TTC27: variants seen among roughly 807,000 people sequenced by gnomAD.
TTC27 encodes the protein tetratricopeptide repeat domain 27, also known as tetratricopeptide repeat protein 27.
TTC27 carries 79 observed loss-of-function variants against 115.9 expected under a neutral mutation model. The observed-to-expected ratio is 0.68, with a 90% CI of 0.57 to 0.82. The LOEUF is 0.82. Ranked by LOEUF, TTC27 falls within the 40% of genes least tolerant of loss-of-function variation. The probability of loss-of-function intolerance (pLI) is 0.00; values close to 1 mark genes in which losing one functional copy is unlikely to be tolerated. For synonymous variants in TTC27, 401 were observed against 356.0 expected (o/e 1.13, Z -1.42); for missense variants, 1,054 against 993.1 (o/e 1.06, Z -0.82).
chr2:32,683,414 T>A (rs1666511414), intron 9 of TTC27, among the ~76,000 whole-genome samples: 1 of 152,248 alleles, frequency 6.6e-6, no homozygotes, highest in Non-Finnish European at 1.5e-5. Flanking sequence ...CTGAATTTTG[T>A]TCCGTTTTGA....
chr2:32,765,829 A>G (rs1188388550), intron 13 of TTC27, among the ~76,000 whole-genome samples: 1 of 152,148 alleles, frequency 6.6e-6, no homozygotes, highest in Non-Finnish European at 1.5e-5. Flanking sequence ...AACCATCTCT[A>G]CTAGATTCAA....
At chr2:32,798,713 A>AAAT (rs200425222) in intron 16 of TTC27, among the ~76,000 whole-genome samples, 66 of 142,328 alleles carry the variant, frequency 4.6e-4, no homozygotes, top group South Asian at 8.7e-4. Flanking sequence ...TCAAAAAAAA[A>AAAT]AATAATAATA....
At chr2:32,738,707 A>G (rs932365253) in intron 12 of TTC27, among the ~76,000 whole-genome samples, 17 of 152,266 alleles carry the variant, frequency 1.1e-4, no homozygotes, top group African/African-American at 3.9e-4. Context: ...AGAAAAAGAC[A>G]GAACCAAATT....
intron 16 of TTC27, among the ~76,000 whole-genome samples, chr2:32,788,578 A>C (rs1443640915): frequency 1.3e-5 from 2 of 152,030 alleles, no homozygotes; most frequent in Admixed American, 1.3e-4. Flanking sequence ...CTGTGCCTCC[A>C]TTTTCTAACT....
At chr2:32,785,826 C>A (rs898084173) in intron 15 of TTC27, among the ~76,000 whole-genome samples, 5 of 152,090 alleles carry the variant, frequency 3.3e-5, no homozygotes, top group Non-Finnish European at 7.4e-5. Context: ...GATCTTCTGA[C>A]CTTGTGATCC....
At chr2:32,639,498 A>G (rs1032329092) in intron 3 of TTC27, among the ~76,000 whole-genome samples, 2 of 152,074 alleles carry the variant, frequency 1.3e-5, no homozygotes, top group Non-Finnish European at 2.9e-5. Flanking sequence ...GATAGAAATT[A>G]TGGAGTAGAG....
At position 32,777,188 on chromosome 2, in the gene TTC27, A is replaced by G. The variant is rs192353507; in HGVS notation, c.1681-694A>G. On this transcript the variant is annotated intron_variant, in intron 13 of 19. Coordinates refer to ENST00000317907, the MANE Select transcript of TTC27 (RefSeq NM_017735.5). The stretch of plus-strand genomic sequence containing the variant: ...GTTTGGCTCTTGGTTAAGCTGCAGA[A>G]GTTCTTGTGGTCTAGTTTGAAGATG... Among the ~76,000 whole-genome samples, 467 of 152,356 alleles carry G rather than the reference A, an allele frequency of 3.1e-3. 6 individuals carry two copies. The highest frequency in any genetic ancestry group is 0.01 in the African/African-American group (435 of 41,590).
In TTC27 at chr2:32,705,384, A is replaced by G. The variant is rs557316849; in HGVS notation, c.1233+2464A>G. Among the ~76,000 whole-genome samples, 8 of 152,228 alleles carry G rather than the reference A, an allele frequency of 5.3e-5. No homozygotes were observed. The South Asian group carries it at 1.7e-3, about 32-fold the overall frequency. ...AGGTATTCCTTTACAGCAACACAAAACAGATTAACACAGGGAGTTACTTTG... is the reference window on the plus strand; with the variant it reads ...AGGTATTCCTTTACAGCAACACAAAGCAGATTAACACAGGGAGTTACTTTG... On this transcript the variant is annotated intron_variant, in intron 10 of 19. Coordinates refer to ENST00000317907, the MANE Select transcript of TTC27 (RefSeq NM_017735.5).
intron 8 of TTC27, among the ~76,000 whole-genome samples, chr2:32,677,588 T>C (rs1217725997): frequency 1.3e-5 from 2 of 152,174 alleles, no homozygotes; most frequent in Non-Finnish European, 2.9e-5. Context: ...TAGCTGGGAC[T>C]ACAGGCGTGC....
intron 12 of TTC27, among the ~76,000 whole-genome samples, chr2:32,756,081 C>T (rs1669223146): frequency 6.6e-6 from 1 of 152,218 alleles, no homozygotes; most frequent in Non-Finnish European, 1.5e-5. Flanking sequence ...TTTCCATTTG[C>T]CCCAGGAGTA....
chr2:32,714,345 A>T (rs988512015), intron 10 of TTC27, among the ~76,000 whole-genome samples: 2 of 151,946 alleles, frequency 1.3e-5, no homozygotes, highest in African/African-American at 4.8e-5. Flanking sequence ...TTTTTAGTAG[A>T]GGCAGGGTTT....
intron 9 of TTC27, among the ~76,000 whole-genome samples, chr2:32,700,973 ATTCT>A (rs1667165410): frequency 6.6e-6 from 1 of 152,050 alleles, no homozygotes; most frequent in African/African-American, 2.4e-5. Context: ...TGGTAAATTC[ATTCT>A]TTTTGTAGAT....
intron 10 of TTC27, among the ~76,000 whole-genome samples, chr2:32,724,729 T>A (rs1467826739): frequency 6.6e-6 from 1 of 152,206 alleles, no homozygotes; most frequent in Non-Finnish European, 1.5e-5. Flanking sequence ...TATTCAGACT[T>A]GGGTATTTGG....
intron 10 of TTC27, among the ~76,000 whole-genome samples, chr2:32,716,297 C>T (rs1667750671): frequency 6.6e-6 from 1 of 152,092 alleles, no homozygotes; most frequent in African/African-American, 2.4e-5. Flanking sequence ...TTAACCAATC[C>T]TTTATTTTTT....
At chr2:32,673,900 C>T (rs1666101664) in intron 8 of TTC27, among the ~76,000 whole-genome samples, 1 of 152,056 alleles carries the variant, frequency 6.6e-6, no homozygotes, top group Admixed American at 6.6e-5. Flanking sequence ...AAGCCTGAGA[C>T]AGAATCGCTT....
chr2:32,818,455 C>G (rs1671579046), intron 19 of TTC27, among the ~76,000 whole-genome samples: 1 of 152,176 alleles, frequency 6.6e-6, no homozygotes. Context: ...CAAAAACTAA[C>G]TTGTGTACCA....
chr2:32,820,853 G>A lies in TTC27; in HGVS notation c.2447G>A (p.Arg816Lys). ...FTDVATGEMS[R>K]ELADDITAMD... ...GATGTGGCAACTGGAGAAATGTCCA[G>A]GGAATTAGCTGATGACATAACAGCT... Residue 816 changes from arginine to lysine, a missense_variant, in exon 20 of 20, where the codon AGG becomes AAG. By Grantham distance (26) the Arg-to-Lys change is conservative (BLOSUM62 2). Coordinates refer to ENST00000317907, the MANE Select transcript of TTC27 (RefSeq NM_017735.5). 1 of 1,542,898 alleles carries A rather than the reference G, an allele frequency of 6.5e-7. No homozygotes were observed. The highest frequency in any genetic ancestry group is 8.8e-7 in the Non-Finnish European group (1 of 1,141,316).
rs573233232 is a variant in TTC27 at position 32,707,061 on chromosome 2, G to A, written c.1233+4141G>A. Among the ~76,000 whole-genome samples, 9 of 152,284 alleles carry A rather than the reference G, an allele frequency of 5.9e-5. No homozygotes were observed. In the South Asian group the frequency reaches 1.9e-3, roughly 32 times the overall value. ...GCACTTTGTCCCTTCCCATTGGCTG[G>A]GAAATCAGGAGAACTGGGCTGCCAG... On this transcript the variant is annotated intron_variant, in intron 10 of 19. Coordinates refer to ENST00000317907, the MANE Select transcript of TTC27 (RefSeq NM_017735.5).
Position 32,814,789 on chromosome 2 carries a change from C to A in TTC27, c.2308+2174C>A, listed in dbSNP as rs116208820. On this transcript the variant is annotated intron_variant, in intron 18 of 19. Transcript: ENST00000317907. ...GAGTAGTAGGCTATATACCATGTAG[C>A]TAGGTGCATAGTAGGCTATACCATC... Among the ~76,000 whole-genome samples the A allele has an allele frequency of 5.5e-3, 836 of 152,272 alleles. 11 individuals are homozygous for A. Among genetic ancestry groups the A allele is most frequent in the African/African-American group, 0.019 (790 of 41,526 alleles).
Sources: allele counts gnomAD v4.1 joint callset (sites outside exome capture counted in the v4.1 genomes callset), GRCh38; gene constraint gnomAD v4.1.1; transcripts MANE v1.5; gene names NCBI Gene and HGNC (gene_info 2026-07-23, HGNC 2026-07-21).